The following CEP85L variants were observed in gnomAD, a reference collection of about 807,000 sequenced individuals.
CEP85L encodes the protein centrosomal protein of 85 kDa-like.
CEP85L carries 60 observed loss-of-function variants against 100.3 expected under a neutral mutation model. The ratio of observed to expected loss-of-function variants is 0.60; its 90% CI spans 0.49 to 0.74. CEP85L has a LOEUF of 0.74. CEP85L is among the 30% of genes least tolerant of loss of function. CEP85L has a pLI of 0.00. For missense variants in CEP85L, 973 were observed against 936.2 expected (o/e 1.04, Z -0.51); for synonymous variants, 319 against 322.7 (o/e 0.99, Z 0.12).
intron 10 of CEP85L, among the ~76,000 whole-genome samples, chr6:118,476,896 A>G (rs890779407): frequency 3.9e-5 from 6 of 152,238 alleles, no homozygotes; most frequent in African/African-American, 1.4e-4. Context: ...AGCACACATT[A>G]CAAAACTCTA....
At chr6:118,685,745 C>A (rs571182765) in intron 1 of CEP85L, among the ~76,000 whole-genome samples, 2 of 149,626 alleles carry the variant, frequency 1.3e-5, no homozygotes, top group African/African-American at 2.5e-5. Context: ...ACAAATGGAA[C>A]AAACATAAAG....
chr6:118,591,941 T>C (rs928829334), intron 2 of CEP85L, among the ~76,000 whole-genome samples: 4 of 152,234 alleles, frequency 2.6e-5, no homozygotes, highest in Admixed American at 2.6e-4. Context: ...AGGAACAAAG[T>C]TACTTGATTT....
chr6:118,608,867 G>T (rs1317388522), intron 2 of CEP85L, among the ~76,000 whole-genome samples: 1 of 152,116 alleles, frequency 6.6e-6, no homozygotes, highest in Non-Finnish European at 1.5e-5. Context: ...TAAATTGGCA[G>T]GGATTTTATT....
At chr6:118,633,769 A>G (rs1774322168) in intron 1 of CEP85L, among the ~76,000 whole-genome samples, 1 of 152,208 alleles carries the variant, frequency 6.6e-6, no homozygotes, top group Admixed American at 6.5e-5. Context: ...GAGAAATTTT[A>G]AATTCGTTCA....
At chr6:118,615,863 G>C (rs1020568009) in intron 2 of CEP85L, among the ~76,000 whole-genome samples, 1 of 152,176 alleles carries the variant, frequency 6.6e-6, no homozygotes, top group African/African-American at 2.4e-5. Flanking sequence ...ACATGACTTC[G>C]CAGTGATAGA....
At chr6:118,651,650 C>G, upstream of CEP85L, 1 of 950,014 alleles carries the variant, frequency 1.1e-6, no homozygotes, top group Non-Finnish European at 1.2e-6. Context: ...GGCGGGGCCT[C>G]GGGCAATGAC....
upstream of CEP85L, chr6:118,651,926 G>T (rs1193782159): frequency 3.0e-6 from 3 of 985,378 alleles, no homozygotes; most frequent in East Asian, 2.3e-4. Context: ...TGGAAGACCT[G>T]CCCCTGGCGT....
intron 2 of CEP85L, among the ~76,000 whole-genome samples, chr6:118,577,977 A>G (rs1780341469): frequency 6.6e-6 from 1 of 152,138 alleles, no homozygotes; most frequent in South Asian, 2.1e-4. Context: ...CCCCTGCCCT[A>G]CTCACATAAG....
chr6:118,675,437 A>G lies in CEP85L; in HGVS notation c.-27-22629T>C, dbSNP rs531696691. On this transcript the variant is annotated intron_variant, in intron 1 of 13. Transcript: ENST00000368488. ...ATAATGTTGATGGTTGCACAACTCC[A>G]AAAAGGTACAACCATTAAAAACCGC... is the stretch of plus-strand genomic sequence containing the variant. Among the ~76,000 whole-genome samples the G allele has an allele frequency of 3.3e-5, 5 of 152,272 alleles. 1 individual carries two copies. The highest frequency in any genetic ancestry group is 1.2e-4 in the African/African-American group (5 of 41,564).
chr6:118,672,872 G>A (rs1172914134), intron 1 of CEP85L, among the ~76,000 whole-genome samples: 4 of 151,790 alleles, frequency 2.6e-5, no homozygotes, highest in African/African-American at 9.7e-5. Context: ...GAAAAGAGAA[G>A]ACAATGACAA....
In CEP85L at chr6:118,566,188, C is replaced by A. The variant is rs767185741; in HGVS notation, c.361G>T (p.Asp121Tyr). ...ISKLRESLTP[D>Y]GSKWSTSLMQ... ...AGGCTTGTACTCCATTTTGAGCCAT[C>A]TGGTGTCAATGATTCCCTAAGTTTG... The change falls in exon 3 of 13, where the codon GAT (aspartate) becomes TAT (tyrosine). Residue 121 changes from aspartate to tyrosine, a missense_variant. Around this residue, in one of 3 missense-constraint regions of CEP85L, gnomAD observed 890 missense variants for 844.5 expected, o/e 1.05. Transcript: ENST00000368491. 42 of 1,613,988 alleles carry A rather than the reference C, an allele frequency of 2.6e-5. No homozygotes were observed. The Middle Eastern group carries it at 4.9e-4, about 19-fold the overall frequency.
At chr6:118,605,205 A>G (rs1345324390) in intron 2 of CEP85L, among the ~76,000 whole-genome samples, 3 of 152,156 alleles carry the variant, frequency 2.0e-5, no homozygotes, top group Non-Finnish European at 4.4e-5. Context: ...TGGTTCCTGG[A>G]TCCCCAAAAG....
At chr6:118,594,887 A>C (rs976367145) in intron 2 of CEP85L, among the ~76,000 whole-genome samples, 7 of 151,858 alleles carry the variant, frequency 4.6e-5, no homozygotes, top group South Asian at 2.1e-4. Flanking sequence ...AAAACAAAAA[A>C]AAAAAACCTC....
At chr6:118,652,262 G>A, upstream of CEP85L, 1 of 335,846 alleles carries the variant, frequency 3.0e-6, no homozygotes, top group Non-Finnish European at 4.3e-6. Flanking sequence ...TGTAAAGGGA[G>A]CCCTTTCCTC....
rs1402479635 is a variant in CEP85L at position 118,541,132 on chromosome 6, C to G, written c.1021-17212G>C. Among the ~76,000 whole-genome samples the G allele has an allele frequency of 3.3e-5, 5 of 152,144 alleles. No homozygotes were observed. In the East Asian group the frequency reaches 9.6e-4, roughly 29 times the overall value. On this transcript the variant is annotated intron_variant, in intron 3 of 12. Transcript: ENST00000368491. ...ATAGTACCCTCAATTAAGCAATAAGCCCATTGAGAAAAGAATACATTAACG... is the reference window on the plus strand; with the variant it reads ...ATAGTACCCTCAATTAAGCAATAAGGCCATTGAGAAAAGAATACATTAACG...
intron 3 of CEP85L, among the ~76,000 whole-genome samples, chr6:118,541,681 C>CT (rs1474089164): frequency 6.6e-6 from 1 of 151,930 alleles, no homozygotes. Context: ...TTATCAAAGT[C>CT]TTTAAATAAA....
chr6:118,629,690 T>C (rs1374599124), intron 2 of CEP85L, among the ~76,000 whole-genome samples: 4 of 152,198 alleles, frequency 2.6e-5, no homozygotes, highest in African/African-American at 9.6e-5. Flanking sequence ...GATCCAGCAA[T>C]TGAGCTCCTA....
At chr6:118,552,182 ATGTTTAC>A (rs1472474300) in intron 3 of CEP85L, among the ~76,000 whole-genome samples, 2 of 152,014 alleles carry the variant, frequency 1.3e-5, no homozygotes, top group Non-Finnish European at 2.9e-5. Flanking sequence ...CAGTACTCCC[ATGTTTAC>A]TAAAAGAATA....
chr6:118,478,016 T>C (rs1773513472), intron 10 of CEP85L, among the ~76,000 whole-genome samples: 1 of 152,072 alleles, frequency 6.6e-6, no homozygotes, highest in African/African-American at 2.4e-5. Flanking sequence ...TTTACGTAAG[T>C]TGATGAGGAA....
Sources: allele counts gnomAD v4.1 joint callset (sites outside exome capture counted in the v4.1 genomes callset), GRCh38; gene constraint gnomAD v4.1.1; regional missense constraint gnomAD v4.1.1; transcripts MANE v1.5; gene names NCBI Gene and HGNC (gene_info 2026-07-23, HGNC 2026-07-21).